Variants in EXD3 observed in about 807,000 individuals in gnomAD.
EXD3 encodes exonuclease mut-7 homolog.
EXD3 carries 92 observed loss-of-function variants against 98.0 expected under a neutral mutation model. The observed-to-expected ratio is 0.94, with a 90% CI of 0.79 to 1.12. The LOEUF (loss-of-function observed/expected upper bound fraction) is 1.12, where lower values mean the gene tolerates loss of function less well. Among genes scored for constraint, EXD3 ranks in the 50% most tolerant of loss-of-function variants. The pLI is 0.00. For synonymous variants in EXD3, 569 were observed against 526.0 expected, an observed-to-expected ratio of 1.08 and a Z score of -1.12; for missense variants, 1,222 against 1,191.6, an observed-to-expected ratio of 1.03 and a Z score of -0.38.
intron 10 of EXD3, 80 bp downstream of exon 10, chr9:137,354,259 A>C: frequency 6.4e-7 from 1 of 1,569,822 alleles, no homozygotes; most frequent in Non-Finnish European, 8.6e-7. Context: ...GCGCACTTCC[A>C]CCAGGAGGCT....
chr9:137,311,198 G>A (rs1247624831), intron 19 of EXD3, among the ~76,000 whole-genome samples: 3 of 152,178 alleles, frequency 2.0e-5, no homozygotes, highest in East Asian at 1.9e-4. Flanking sequence ...TTCCTCTTCC[G>A]CTAGCTCCCA....
intron 17 of EXD3, chr9:137,343,612 G>A (rs1370219974): frequency 2.6e-4 from 3 of 11,406 alleles, no homozygotes; most frequent in African/African-American, 4.5e-4. Flanking sequence ...TTTTTGAGAC[G>A]GAGTCTCGCT....
intron 7 of EXD3, among the ~76,000 whole-genome samples, chr9:137,358,575 C>T (rs74992567): frequency 0.015 from 2,342 of 152,232 alleles, 58 homozygotes; most frequent in African/African-American, 0.051. Context: ...TTCCAGCTCC[C>T]GTCTCCCCTC....
At chr9:137,320,117 C>T (rs949661450) in intron 19 of EXD3, among the ~76,000 whole-genome samples, 1 of 152,188 alleles carries the variant, frequency 6.6e-6, no homozygotes, top group African/African-American at 2.4e-5. Flanking sequence ...TCTGTCCTCA[C>T]CGCACACCAC....
At chr9:137,328,242 C>G (rs879339863) in intron 17 of EXD3, among the ~76,000 whole-genome samples, 1 of 149,678 alleles carries the variant, frequency 6.7e-6, no homozygotes, top group Non-Finnish European at 1.5e-5. Flanking sequence ...AATATACACC[C>G]ACATGATGAG....
intron 17 of EXD3, among the ~76,000 whole-genome samples, chr9:137,331,909 C>T (rs1026218867): frequency 6.6e-6 from 1 of 151,926 alleles, no homozygotes; most frequent in Non-Finnish European, 1.5e-5. Context: ...GGGTGAGACT[C>T]CGTCTCAAAA....
intron 17 of EXD3, among the ~76,000 whole-genome samples, chr9:137,333,605 C>T (rs1362101241): frequency 6.6e-6 from 1 of 152,138 alleles, no homozygotes; most frequent in Admixed American, 6.6e-5. Flanking sequence ...CCCCTTGGTC[C>T]TGTCCTTGCC....
Position 137,372,941 on chromosome 9 carries a change from G to T in EXD3, c.426C>A (p.His142Gln). ...TGCCCTCGTGGTGGAGGCGGTGGAC[G>T]TGTGCCAGCAGGCAGCTCCTGTCTG... ...QDADRSCLLA[H>Q]VHRLHHEGRF... The change falls in exon 5 of 22, where the codon CAC becomes CAA. Residue 142 changes from histidine to glutamine, a missense_variant. Transcript: ENST00000340951. 1 of 1,601,350 alleles carries T rather than the reference G, an allele frequency of 6.2e-7. No individual in the cohort carries two copies.
At chr9:137,362,081 G>A (rs532715218) in intron 7 of EXD3, among the ~76,000 whole-genome samples, 14 of 152,052 alleles carry the variant, frequency 9.2e-5, no homozygotes, top group East Asian at 1.9e-4. Context: ...AATGGTTTTC[G>A]GTTAGAGGTT....
chr9:137,346,637 C>T (rs10124304), intron 17 of EXD3, among the ~76,000 whole-genome samples: 83 of 140,882 alleles, frequency 5.9e-4, no homozygotes, highest in African/African-American at 2.5e-3. Context: ...TCTGAACCTT[C>T]GACACTTTTA....
At chr9:137,351,648 T>C (rs1285590204) in intron 12 of EXD3, 120 bp from the exon 13 acceptor site, 1 of 903,654 alleles carries the variant, frequency 1.1e-6, no homozygotes, top group Non-Finnish European at 1.7e-6. Flanking sequence ...CCTGCACCCC[T>C]GCATGTTTAT....
Position 137,350,809 on chromosome 9 carries a change from G to T in EXD3, c.1494+229C>A, listed in dbSNP as rs193233963. 3.9e-5 allele frequency among the ~76,000 whole-genome samples: 6 copies of T among 152,150 alleles called. No homozygotes were observed. In the East Asian group the frequency reaches 1.2e-3, roughly 29 times the overall value. On this transcript the variant is annotated intron_variant, in intron 14 of 21. Transcript: ENST00000340951. ...GGAAGGTGCCCTCACACCAGATAAC[G>T]GCCCCACAGGGGCTCAGGGATGCCT...
rs920195778 is a variant in EXD3 at position 137,389,647 on chromosome 9, C to CGAGAGGGACA, written c.55+5646_55+5655dup. ...CGTCGAGGTGCTGGGACGCTCGGAG[C>CGAGAGGGACA]GAGAGGGACAGAGAGGGACAGTGAG... On this transcript the variant is annotated intron_variant, in intron 2 of 21. Transcript: ENST00000340951. Among the ~76,000 whole-genome samples, 118 of 152,044 alleles carry CGAGAGGGACA rather than the reference C, an allele frequency of 7.8e-4. 1 individual carries two copies. The highest frequency in any genetic ancestry group is 1.0e-4 in the Non-Finnish European group (7 of 67,990).
At chr9:137,354,848 G>C (rs1834534340) in intron 8 of EXD3, 75 bp from the exon 9 acceptor site, 1 of 1,440,002 alleles carries the variant, frequency 6.9e-7, no homozygotes, top group African/African-American at 1.4e-5. Flanking sequence ...GCGGGCTGGA[G>C]ACGGGCAGAG....
chr9:137,353,865 AGGCTGCTTC>A, intron 10 of EXD3: 1 of 987,668 alleles, frequency 1.0e-6, no homozygotes, highest in Non-Finnish European at 1.2e-6. Flanking sequence ...CAGCAGCCTG[AGGCTGCTTC>A]CCCGGCGTGG....
At chr9:137,310,903 C>G (rs937677338) in intron 19 of EXD3, among the ~76,000 whole-genome samples, 7 of 152,206 alleles carry the variant, frequency 4.6e-5, no homozygotes, top group Non-Finnish European at 2.9e-5. Context: ...CATGGCTATT[C>G]CAGGACCCCT....
intron 1 of EXD3, among the ~76,000 whole-genome samples, chr9:137,415,215 G>GT (rs1467033749): frequency 2.8e-5 from 4 of 141,222 alleles, no homozygotes; most frequent in South Asian, 2.3e-4. Context: ...TTTTTTTTCT[G>GT]TTTTTTGAGA....
intron 6 of EXD3, among the ~76,000 whole-genome samples, chr9:137,367,309 G>A (rs751317217): frequency 5.9e-5 from 9 of 152,084 alleles, no homozygotes; most frequent in Non-Finnish European, 4.4e-5. Flanking sequence ...TGCACCCATC[G>A]CCCGGAGCAC....
intron 19 of EXD3, among the ~76,000 whole-genome samples, chr9:137,314,329 G>A (rs1239444829): frequency 1.3e-5 from 2 of 152,220 alleles, no homozygotes; most frequent in Non-Finnish European, 1.5e-5. Context: ...GAAGGGAGTT[G>A]CGAGTTTGCC....
Sources: gnomAD v4.1 joint callset for allele counts (sites outside exome capture counted in the v4.1 genomes callset) on GRCh38, gnomAD v4.1.1 for gene constraint, MANE v1.5 for transcripts, NCBI Gene and HGNC (gene_info 2026-07-23, HGNC 2026-07-21) for gene names.